The following C7 variants were observed in gnomAD, a reference collection of about 807,000 sequenced individuals.
The protein encoded by C7 is complement component C7.
A neutral mutation model predicts 104.8 loss-of-function variants in C7; 83 were observed. The ratio of observed to expected loss-of-function variants is 0.79; its 90% CI spans 0.66 to 0.95. The LOEUF (loss-of-function observed/expected upper bound fraction) is 0.95, where lower values mean the gene tolerates loss of function less well. Ranked by LOEUF, C7 falls within the 40% of genes least tolerant of loss-of-function variation. The pLI is 0.00. For missense variants in C7, 1,070 were observed against 1,011.2 expected, an observed-to-expected ratio of 1.06 and a Z score of -0.79; for synonymous variants, 415 against 360.6, an observed-to-expected ratio of 1.15 and a Z score of -1.71.
At chr5:40,956,502 G>T (rs1314666357) in intron 10 of C7, among the ~76,000 whole-genome samples, 1 of 152,180 alleles carries the variant, frequency 6.6e-6, no homozygotes, top group Non-Finnish European at 1.5e-5. Context: ...GAAGCATTTT[G>T]TGTTCACCCT....
chr5:40,930,351 A>G (rs1030724980), intron 2 of C7, among the ~76,000 whole-genome samples: 4 of 151,458 alleles, frequency 2.6e-5, no homozygotes, highest in Admixed American at 2.0e-4. Flanking sequence ...GATTATAGGC[A>G]TGCACCACCA....
At position 40,947,655 on chromosome 5, in the gene C7, T is replaced by C; in HGVS notation, c.792T>C (p.Asn264=). ...CTGTTGAAGTGGCTCAGTTCATTAA[T>C]AACAATCCAGAATTTTTACAACTTG... is the stretch of plus-strand genomic sequence containing the variant. ...ENTVEVAQFI[N]NNPEFLQLAE... is the part of the protein sequence containing the mutation. The change falls in exon 8 of 18, where the codon AAT becomes AAC. Residue 264 remains asparagine, a synonymous_variant. Coordinates refer to ENST00000313164, the MANE Select transcript of C7 (RefSeq NM_000587.4). 5 of 1,613,614 alleles carry C rather than the reference T, an allele frequency of 3.1e-6. No individual in the cohort carries two copies. The highest frequency in any genetic ancestry group is 4.2e-6 in the Non-Finnish European group (5 of 1,179,720).
chr5:40,946,838 A>T (rs1740059172), intron 7 of C7, among the ~76,000 whole-genome samples: 1 of 151,866 alleles, frequency 6.6e-6, no homozygotes, highest in African/African-American at 2.4e-5. Context: ...CAAGCAGACC[A>T]CTTGAGGTCA....
In C7 at chr5:40,947,811, A is replaced by G. The variant is rs907504291; in HGVS notation, c.948A>G (p.Leu316=). Residue 316 remains leucine (L), a synonymous_variant, in exon 8 of 18, where the codon CTA becomes CTG. Coordinates refer to ENST00000313164, the MANE Select transcript of C7 (RefSeq NM_000587.4). ...SGSLGGEYRV[L]FYVDSEKLKQ... ...CGTTAGGAGGAGAATACAGAGTTCT[A>G]TTTTATGTGGACTCAGAAAAATTAA... The G allele has an allele frequency of 6.2e-7, 1 of 1,612,782 alleles. No homozygotes were observed. The highest frequency in any genetic ancestry group is 1.3e-5 in the African/African-American group (1 of 74,994).
At chr5:40,935,693 T>C (rs371984547) in intron 4 of C7, among the ~76,000 whole-genome samples, 1 of 152,108 alleles carries the variant, frequency 6.6e-6, no homozygotes, top group East Asian at 1.9e-4. Flanking sequence ...GGAGAATGGC[T>C]GGGGATGATG....
chr5:40,968,573 T>C (rs1740611907), intron 14 of C7, among the ~76,000 whole-genome samples: 1 of 54,596 alleles, frequency 1.8e-5, no homozygotes. Flanking sequence ...ATATTTTATA[T>C]ATATATATAT....
intron 1 of C7, 49 bp from the exon 2 acceptor site, chr5:40,928,531 T>C (rs1436808061): frequency 9.3e-7 from 1 of 1,075,282 alleles, no homozygotes; most frequent in East Asian, 2.6e-5. Context: ...TTTATAGTTA[T>C]AAAAAGAAAT....
Position 40,976,840 on chromosome 5 carries a change from G to A in C7, c.2165G>A (p.Gly722Glu), listed in dbSNP as rs764833482. 1.1e-5 allele frequency: 17 copies of A among 1,594,434 alleles called. No individual in the cohort carries two copies. The East Asian group carries it at 3.6e-4, about 34-fold the overall frequency. The change falls in exon 16 of 18, where the codon GGA (glycine) becomes GAA (glutamate). Residue 722 changes from glycine (G) to glutamate (E), a missense_variant and splice_region_variant. By Grantham distance (98) the Gly-to-Glu change is moderately conservative. Transcript: ENST00000313164. ...GTTTGTAAAATGCCCTACGAATGTG[G>A]GTAAGTGCCGCCTTTGCTCATTTCT... ...RCVCKMPYEC[G>E]PSLDVCAQDE... is the part of the protein sequence containing the mutation.
chr5:40,976,583 A>G (rs1740824389), intron 15 of C7, 167 bp from the exon 16 acceptor site: 1 of 475,666 alleles, frequency 2.1e-6, no homozygotes, highest in Non-Finnish European at 3.7e-6. Context: ...GAAACTCTCT[A>G]TAGCTTGTAA....
chr5:40,933,712 G>A (rs1384253646), intron 3 of C7, among the ~76,000 whole-genome samples: 1 of 152,116 alleles, frequency 6.6e-6, no homozygotes, highest in Non-Finnish European at 1.5e-5. Context: ...AAGGCTTACA[G>A]TTTAGCTGAA....
At chr5:40,913,144 T>A (rs1300620575) in intron 1 of C7, among the ~76,000 whole-genome samples, 1 of 152,212 alleles carries the variant, frequency 6.6e-6, no homozygotes, top group Non-Finnish European at 1.5e-5. Context: ...CATTCTTTTT[T>A]AAAAAATTGA....
intron 6 of C7, among the ~76,000 whole-genome samples, chr5:40,943,363 G>A (rs984408564): frequency 6.6e-6 from 1 of 152,186 alleles, no homozygotes; most frequent in Non-Finnish European, 1.5e-5. Flanking sequence ...GGAAGAATCA[G>A]TCTTGGAGAA....
chr5:40,964,987 G>C (rs1400186008), intron 14 of C7, 114 bp downstream of exon 14: 1 of 1,200,172 alleles, frequency 8.3e-7, no homozygotes, highest in African/African-American at 1.5e-5. Flanking sequence ...TTTCCTGTAA[G>C]GCTGACATGA....
chr5:40,933,595 T>C, intron 3 of C7, among the ~76,000 whole-genome samples: 1 of 152,214 alleles, frequency 6.6e-6, no homozygotes, highest in Non-Finnish European at 1.5e-5. Flanking sequence ...TATTCCTTTG[T>C]AGATGTAGCT....
chr5:40,949,360 C>CAAAA (rs397697540), intron 8 of C7, among the ~76,000 whole-genome samples: 7 of 127,814 alleles, frequency 5.5e-5, no homozygotes, highest in Non-Finnish European at 1.0e-4. Context: ...AATGCATTGG[C>CAAAA]AAAAAAAAAA....
intron 1 of C7, among the ~76,000 whole-genome samples, chr5:40,911,740 C>CT (rs536500122): frequency 0.18 from 25,239 of 138,546 alleles, 2,498 homozygotes; most frequent in East Asian, 0.34. Context: ...TTCTTTCTTT[C>CT]TTTTTTTTTT....
chr5:40,972,626 T>A (rs1014041815), intron 15 of C7, 32 bp downstream of exon 15: 2 of 1,545,756 alleles, frequency 1.3e-6, no homozygotes, highest in Non-Finnish European at 1.7e-6. Flanking sequence ...CCAAGGACAC[T>A]TGTACCCAGG....
chr5:40,957,705 C>T lies in C7; in HGVS notation c.1261-328C>T, dbSNP rs550903583. Among the ~76,000 whole-genome samples, 346 of 151,802 alleles carry T rather than the reference C, an allele frequency of 2.3e-3. 2 individuals carry two copies. The highest frequency in any genetic ancestry group is 7.4e-3 in the African/African-American group (306 of 41,324). ...CCTGACCTCAGGTGATCCCCCCTGCCGCAGCCTCTCAAAGTGCTGGCGTTA... is the reference window on the plus strand; with the variant it reads ...CCTGACCTCAGGTGATCCCCCCTGCTGCAGCCTCTCAAAGTGCTGGCGTTA... On this transcript the variant is annotated intron_variant, in intron 10 of 17. Transcript: ENST00000313164.
Position 40,959,651 on chromosome 5 carries a change from A to G in C7, c.1661+31A>G. 3.3e-6 allele frequency: 5 copies of G among 1,529,678 alleles called. 1 individual carries two copies. The South Asian group carries it at 6.4e-5, about 20-fold the overall frequency. 94.8% of individuals were successfully genotyped at this position (1,529,678 alleles called of 1,614,324 possible). ...GGAGACCCGACCCCCTGGCAGTTGC[A>G]TAGAACACAGTACCCTCTGCAGTTA... On this transcript the variant is annotated intron_variant, in intron 12 of 17. Coordinates refer to ENST00000313164, the MANE Select transcript of C7 (RefSeq NM_000587.4).
Sources: allele counts gnomAD v4.1 joint callset (sites outside exome capture counted in the v4.1 genomes callset), GRCh38; gene constraint gnomAD v4.1.1; transcripts MANE v1.5; gene names NCBI Gene and HGNC (gene_info 2026-07-23, HGNC 2026-07-21).